The following GNG7 variants were observed in gnomAD, a reference collection of about 807,000 sequenced individuals.
GNG7 encodes guanine nucleotide-binding protein G(I)/G(S)/G(O) subunit gamma-7.
Under a neutral mutation model 4.0 loss-of-function variants are expected in GNG7, and 1 was observed. The observed-to-expected ratio is 0.25, with a 90% CI of 0.09 to 1.18. The LOEUF is 1.18. GNG7 is among the 50% of genes most tolerant of loss of function. The probability of loss-of-function intolerance (pLI) is 0.50; values close to 1 mark genes in which losing one functional copy is unlikely to be tolerated. For synonymous variants in GNG7, 34 were observed against 36.9 expected, an observed-to-expected ratio of 0.92 and a Z score of 0.29; for missense variants, 86 against 91.9, an observed-to-expected ratio of 0.94 and a Z score of 0.26.
chr19:2,537,310 A>C (rs1002180901), intron 3 of GNG7, among the ~76,000 whole-genome samples: 59 of 151,890 alleles, frequency 3.9e-4, no homozygotes, highest in African/African-American at 1.4e-3. Flanking sequence ...CAGTGGTGCA[A>C]TCATAGCTCA....
intron 1 of GNG7, among the ~76,000 whole-genome samples, chr19:2,696,253 AAAG>A (rs1913245055): frequency 6.7e-6 from 1 of 148,334 alleles, no homozygotes; most frequent in Non-Finnish European, 1.5e-5. Flanking sequence ...GAAAAAGAAA[AAAG>A]AAAGAAAGAG....
chr19:2,626,528 C>T lies in GNG7; in HGVS notation c.-78+19696G>A, dbSNP rs1442523908. Among the ~76,000 whole-genome samples the T allele has an allele frequency of 6.6e-6, 1 of 152,142 alleles. No homozygotes were observed. Among genetic ancestry groups the T allele is most frequent in the Admixed American group, 6.5e-5 (1 of 15,272 alleles). On this transcript the variant is annotated intron_variant, in intron 2 of 4. Coordinates refer to ENST00000382159, the MANE Select transcript of GNG7 (RefSeq NM_052847.3). The surrounding 1 kb of genome is among the most constrained non-coding windows in gnomAD (Gnocchi z 5.0). ...TCAAGGTCCTGGAACCATCTCTGCA[C>T]CTGTATCCCCCACCCCACCTGTCAC...
At chr19:2,608,475 A>G (rs966302930) in intron 2 of GNG7, among the ~76,000 whole-genome samples, 2 of 152,074 alleles carry the variant, frequency 1.3e-5, no homozygotes, top group Admixed American at 1.3e-4. Flanking sequence ...CCCCCAAATG[A>G]CGCAGGTCAG....
intron 1 of GNG7, among the ~76,000 whole-genome samples, chr19:2,672,613 T>G (rs1983483206): frequency 6.6e-6 from 1 of 151,986 alleles, no homozygotes. Flanking sequence ...CACCGGCTAA[T>G]TTTTGTATTT....
intron 2 of GNG7, among the ~76,000 whole-genome samples, chr19:2,619,827 C>T (rs1295393645): frequency 3.3e-5 from 5 of 151,810 alleles, no homozygotes; most frequent in South Asian, 2.1e-4. Context: ...TAGGATGTTC[C>T]GGAATTAGAT....
Position 2,512,807 on chromosome 19 carries a change from G to A in GNG7, c.*2215C>T. On this transcript the variant is annotated 3_prime_UTR_variant, in exon 5 of 5. Transcript: ENST00000382159. The surrounding 1 kb of genome is among the most constrained non-coding windows in gnomAD (Gnocchi z 4.7). ...GTTACCAAGATGGCTTGTTGGAAAG[G>A]GTGGAGGCAGGCGGGCTCTCCCTGC... 1.5e-6 allele frequency: 1 copy of A among 684,530 alleles called. No homozygotes were observed. Among genetic ancestry groups the A allele is most frequent in the Non-Finnish European group, 1.8e-6 (1 of 554,792 alleles). 42.4% of individuals were successfully genotyped at this position (684,530 alleles called of 1,614,324 possible). A position where few individuals can be genotyped will look rare whatever the true frequency, so the allele number is the denominator to read the frequency against.
chr19:2,526,740 T>C (rs1200009479), intron 3 of GNG7, among the ~76,000 whole-genome samples: 1 of 150,218 alleles, frequency 6.7e-6, no homozygotes, highest in Non-Finnish European at 1.5e-5. Flanking sequence ...TTGTTTGCTA[T>C]TGATTTTATA....
intron 2 of GNG7, among the ~76,000 whole-genome samples, chr19:2,605,908 C>G (rs569505828): frequency 6.6e-6 from 1 of 152,144 alleles, no homozygotes; most frequent in Non-Finnish European, 1.5e-5. Flanking sequence ...GTGATCACTT[C>G]TGCGACCTCT....
At chr19:2,619,817 T>C (rs927561842) in intron 2 of GNG7, among the ~76,000 whole-genome samples, 11 of 151,912 alleles carry the variant, frequency 7.2e-5, no homozygotes, top group African/African-American at 2.7e-4. Flanking sequence ...TTGGGGGTGA[T>C]AGGATGTTCC....
chr19:2,600,599 G>A (rs1981170429), intron 2 of GNG7, among the ~76,000 whole-genome samples: 1 of 151,478 alleles, frequency 6.6e-6, no homozygotes, highest in Non-Finnish European at 1.5e-5. Flanking sequence ...AGCCTCCCAA[G>A]TAGCTGGGAT....
At chr19:2,519,531 T>C (rs1334480622) in intron 4 of GNG7, among the ~76,000 whole-genome samples, 1 of 151,700 alleles carries the variant, frequency 6.6e-6, no homozygotes, top group East Asian at 1.9e-4. Flanking sequence ...CCTCAAGTGA[T>C]CCTCCTGCCT....
chr19:2,676,461 A>G (rs971204715), intron 1 of GNG7, among the ~76,000 whole-genome samples: 1 of 152,166 alleles, frequency 6.6e-6, no homozygotes, highest in Non-Finnish European at 1.5e-5. Flanking sequence ...CGCCCAGGCT[A>G]GAGTGCAGTG....
intron 2 of GNG7, among the ~76,000 whole-genome samples, chr19:2,637,286 G>A (rs560705399): frequency 6.6e-6 from 1 of 152,168 alleles, no homozygotes; most frequent in African/African-American, 2.4e-5. Context: ...AGAAGGATAG[G>A]AGCAGGGGAT....
At position 2,641,066 on chromosome 19, in the gene GNG7, G is replaced by A. The variant is rs538022839; in HGVS notation, c.-78+5158C>T. Among the ~76,000 whole-genome samples the A allele has an allele frequency of 7.7e-4, 118 of 152,346 alleles. 1 individual carries two copies. The highest frequency in any genetic ancestry group is 1.4e-3 in the Non-Finnish European group (95 of 68,026). On this transcript the variant is annotated intron_variant, in intron 2 of 4. Coordinates refer to ENST00000382159, the MANE Select transcript of GNG7 (RefSeq NM_052847.3). ...AGAAACTGGCAGATGGTCCCCAGAG[G>A]TGGTACAAGAAGAAGGGACTCGGGT...
rs191373604 is a variant in GNG7 at position 2,698,700 on chromosome 19, G to A, written c.-135+3946C>T. On this transcript the variant is annotated intron_variant, in intron 1 of 4. Coordinates refer to ENST00000382159, the MANE Select transcript of GNG7 (RefSeq NM_052847.3). ...AAATGACTCTGGATACGATTTTAAAGACCATCGCTGCTTCCAGATGGAACT... is the reference window on the plus strand; with the variant it reads ...AAATGACTCTGGATACGATTTTAAAAACCATCGCTGCTTCCAGATGGAACT... 2.9e-3 allele frequency among the ~76,000 whole-genome samples: 443 copies of A among 152,272 alleles called. 6 individuals carry two copies. Among genetic ancestry groups the A allele is most frequent in the Non-Finnish European group, 2.8e-3 (189 of 68,010 alleles).
At chr19:2,588,795 C>A (rs1312274700) in intron 2 of GNG7, among the ~76,000 whole-genome samples, 1 of 152,134 alleles carries the variant, frequency 6.6e-6, no homozygotes, top group African/African-American at 2.4e-5. Context: ...ACCAGGTGGT[C>A]ATCTTTCTGG....
chr19:2,620,598 G>C (rs889972380), intron 2 of GNG7, among the ~76,000 whole-genome samples: 4 of 152,170 alleles, frequency 2.6e-5, no homozygotes, highest in African/African-American at 9.7e-5. Context: ...CCCAGCTGGG[G>C]GTGAGCTTCT....
At position 2,614,161 on chromosome 19, in the gene GNG7, C is replaced by T. The variant is rs182065870; in HGVS notation, c.-78+32063G>A. Among the ~76,000 whole-genome samples the T allele has an allele frequency of 6.6e-6, 1 of 152,286 alleles. No homozygotes were observed. Among genetic ancestry groups the T allele is most frequent in the African/African-American group, 2.4e-5 (1 of 41,552 alleles). On this transcript the variant is annotated intron_variant, in intron 2 of 4. Transcript: ENST00000382159. The surrounding 1 kb of genome is among the most constrained non-coding windows in gnomAD (Gnocchi z 6.0). ...GCACTGGGAGCAGACTCAAGAGGCT[C>T]GAGAGGTCCCAGGAGGGCGGGAAGA...
chr19:2,548,097 G>T (rs1469262541), intron 3 of GNG7, among the ~76,000 whole-genome samples: 3 of 152,094 alleles, frequency 2.0e-5, no homozygotes, highest in African/African-American at 7.2e-5. Flanking sequence ...TTGTTAGAAA[G>T]TCCCGGAAAA....
Sources: gnomAD v4.1 joint callset for allele counts (sites outside exome capture counted in the v4.1 genomes callset) on GRCh38, gnomAD v4.1.1 for gene constraint, Gnocchi (gnomAD v3.1) non-coding constraint, MANE v1.5 for transcripts, NCBI Gene and HGNC (gene_info 2026-07-23, HGNC 2026-07-21) for gene names.